The following ZNF615 variants were observed in gnomAD, a reference collection of about 807,000 sequenced individuals.
The protein encoded by ZNF615 is zinc finger protein 615.
A neutral mutation model predicts 15.3 loss-of-function variants in ZNF615; 15 were observed. The ratio of observed to expected loss-of-function variants is 0.98; its 90% CI spans 0.66 to 1.51. The LOEUF (loss-of-function observed/expected upper bound fraction) is 1.51. ZNF615 is among the 40% of genes most tolerant of loss of function. The pLI is 0.00. For synonymous variants in ZNF615, 268 were observed against 294.6 expected, an observed-to-expected ratio of 0.91 and a Z score of 0.92; for missense variants, 848 against 895.9, an observed-to-expected ratio of 0.95 and a Z score of 0.68.
intron 6 of ZNF615, among the ~76,000 whole-genome samples, chr19:51,999,617 T>C (rs558510636): frequency 2.0e-5 from 3 of 152,310 alleles, no homozygotes; most frequent in East Asian, 3.9e-4. Context: ...GATATGTGCA[T>C]TGTATCTCAA....
rs759395979 is a variant in ZNF615, at chr19:51,993,959, T to C, written c.1150A>G (p.Ile384Val). ...AAGCCTTTCCCACATTTATTGCATA[T>C]AAAGGGTTTCTCACCAGTATGAGTT... ...HRTHTGEKPF[I>V]CNKCGKGFTL... Residue 384 changes from isoleucine to valine, a missense_variant, in exon 7 of 7, where the codon ATA becomes GTA. Transcript: ENST00000598071. 1.9e-6 allele frequency: 3 copies of C among 1,613,840 alleles called. No homozygotes were observed. The highest frequency in any genetic ancestry group is 2.5e-6 in the Non-Finnish European group (3 of 1,179,914).
chr19:51,993,284 A>C lies in ZNF615; in HGVS notation c.1825T>G (p.Cys609Gly), dbSNP rs1231035899. ...RTHTGEKPYI[C>G]NECGKGFTMK... ...GTGAAGCCCTTTCCACATTCATTGC[A>C]TATATAAGGTTTCTCCCCAGTATGA... Residue 609 changes from cysteine (C) to glycine (G), a missense_variant, in exon 7 of 7, where the codon TGC (cysteine) becomes GGC (glycine). Physicochemically the swap from Cys to Gly is radical, Grantham distance 159. Transcript: ENST00000598071. 6.2e-7 allele frequency: 1 copy of C among 1,614,114 alleles called. No homozygotes were observed. The highest frequency in any genetic ancestry group is 8.5e-7 in the Non-Finnish European group (1 of 1,180,004).
rs189884056 is a variant in ZNF615, at chr19:52,007,080, C to T, written c.-190+213G>A. ...AACATTTCACTTCTATCCAAATGTA[C>T]GCATAAACTTAATGTGAATGCACTT... On this transcript the variant is annotated intron_variant, in intron 2 of 6. Coordinates refer to ENST00000598071, the MANE Select transcript of ZNF615 (RefSeq NM_001199324.2). Among the ~76,000 whole-genome samples, 75 of 152,166 alleles carry T rather than the reference C, an allele frequency of 4.9e-4. 2 individuals carry two copies. Among genetic ancestry groups the T allele is most frequent in the East Asian group, 1.9e-4 (1 of 5,180 alleles).
chr19:51,992,936 C>T lies in ZNF615; in HGVS notation c.2173G>A (p.Gly725Arg). 2 of 1,614,182 alleles carry T rather than the reference C, an allele frequency of 1.2e-6. No individual in the cohort carries two copies. Among genetic ancestry groups the T allele is most frequent in the Non-Finnish European group, 1.7e-6 (2 of 1,180,034 alleles). ...ATAGACAAGTGCGCAAAAGCTTTCC[C>T]ACAATCACTACATCCATAGGGCCTC... ...GERPYGCSDCGKAFAHLSILV... is the reference protein window; with the variant it reads ...GERPYGCSDCRKAFAHLSILV... Residue 725 changes from glycine (G) to arginine (R), a missense_variant, in exon 7 of 7, where the codon GGG becomes AGG. Physicochemically the swap from Gly to Arg is moderately radical, Grantham distance 125. Coordinates refer to ENST00000598071, the MANE Select transcript of ZNF615 (RefSeq NM_001199324.2).
chr19:51,993,135 T>C lies in ZNF615; in HGVS notation c.1974A>G (p.Thr658=). 1 of 1,614,250 alleles carries C rather than the reference T, an allele frequency of 6.2e-7. No homozygotes were observed. Among genetic ancestry groups the C allele is most frequent in the Non-Finnish European group, 8.5e-7 (1 of 1,180,036 alleles). The change falls in exon 7 of 7, where the codon ACA becomes ACG. Residue 658 remains threonine, a synonymous_variant. Coordinates refer to ENST00000598071, the MANE Select transcript of ZNF615 (RefSeq NM_001199324.2). ...TCLIQHQRFH[T]GKTSFACTEC... ...CAGTACATGCAAAGGAAGTCTTTCC[T>C]GTGTGAAATCGCTGATGTTGTATGA...
intron 6 of ZNF615, 120 bp from the exon 7 acceptor site, chr19:51,994,957 A>G: frequency 1.0e-6 from 1 of 982,420 alleles, no homozygotes; most frequent in Non-Finnish European, 1.4e-6. Flanking sequence ...TATTTTATTT[A>G]TTTATTTTTT....
intron 6 of ZNF615, among the ~76,000 whole-genome samples, chr19:51,998,618 C>T (rs2086507833): frequency 6.6e-6 from 1 of 152,174 alleles, no homozygotes; most frequent in Non-Finnish European, 1.5e-5. Context: ...CTTATTTGTA[C>T]TGCTGATAGC....
In ZNF615 at chr19:51,993,247, G is replaced by A. The variant is rs1181147889; in HGVS notation, c.1862C>T (p.Thr621Ile). 1 of 1,614,064 alleles carries A rather than the reference G, an allele frequency of 6.2e-7. No homozygotes were observed. The highest frequency in any genetic ancestry group is 8.5e-7 in the Non-Finnish European group (1 of 1,179,988). ...ATGAGTTTGCTGATGTATACTGAGA[G>A]TACTCTTCATGGTGAAGCCCTTTCC... ...ECGKGFTMKSTLSIHQQTHTG... is the reference protein window; with the variant it reads ...ECGKGFTMKSILSIHQQTHTG... The change falls in exon 7 of 7, where the codon ACT becomes ATT. Residue 621 changes from threonine to isoleucine, a missense_variant. Physicochemically the swap from Thr to Ile is moderately conservative, Grantham distance 89. Coordinates refer to ENST00000598071, the MANE Select transcript of ZNF615 (RefSeq NM_001199324.2).
intron 2 of ZNF615, among the ~76,000 whole-genome samples, chr19:52,005,498 T>C (rs2086728414): frequency 6.6e-6 from 1 of 152,184 alleles, no homozygotes; most frequent in East Asian, 1.9e-4. Flanking sequence ...CTGTTGTAGC[T>C]CAAAAATGCC....
At chr19:51,999,500 T>C (rs994200399) in intron 6 of ZNF615, among the ~76,000 whole-genome samples, 1 of 152,212 alleles carries the variant, frequency 6.6e-6, no homozygotes, top group African/African-American at 2.4e-5. Flanking sequence ...TGATAATATA[T>C]ATTTATACAT....
rs1159543618 is a variant in ZNF615 at position 51,994,141 on chromosome 19, C to T, written c.968G>A (p.Gly323Glu). 6.2e-7 allele frequency: 1 copy of T among 1,613,952 alleles called. No homozygotes were observed. The highest frequency in any genetic ancestry group is 8.5e-7 in the Non-Finnish European group (1 of 1,180,026). The change falls in exon 7 of 7, where the codon GGA (glycine) becomes GAA (glutamate). Residue 323 changes from glycine to glutamate, a missense_variant. Coordinates refer to ENST00000598071, the MANE Select transcript of ZNF615 (RefSeq NM_001199324.2). ...TACACTGCATCCATGGGGTTTCTCTCCTGTATGAGTTCGTTGATGATAAAT... is the reference window on the plus strand; with the variant it reads ...TACACTGCATCCATGGGGTTTCTCTTCTGTATGAGTTCGTTGATGATAAAT... ...RLIYHQRTHTGEKPHGCSVCG... is the reference protein window; with the variant it reads ...RLIYHQRTHTEEKPHGCSVCG...
At chr19:51,997,130 G>A (rs1226445562) in intron 6 of ZNF615, among the ~76,000 whole-genome samples, 1 of 152,048 alleles carries the variant, frequency 6.6e-6, no homozygotes, top group African/African-American at 2.4e-5. Context: ...ACCAGCCTGG[G>A]CAACATAGTG....
rs2086347656 is a variant in ZNF615, at chr19:51,994,209, T to A, written c.900A>T (p.Thr300=). Residue 300 remains threonine, a synonymous_variant, in exon 7 of 7, where the codon ACA becomes ACT. Coordinates refer to ENST00000598071, the MANE Select transcript of ZNF615 (RefSeq NM_001199324.2). ...TGAAGGCTTTCCCACATTGGCTACATGTGTAAGGTTTCCCTCCCATATGAG... is the reference window on the plus strand; with the variant it reads ...TGAAGGCTTTCCCACATTGGCTACAAGTGTAAGGTTTCCCTCCCATATGAG... ...QKTHMGGKPY[T]CSQCGKAFIK... is the part of the protein sequence containing the mutation. 6.2e-7 allele frequency: 1 copy of A among 1,614,078 alleles called. No homozygotes were observed. Among genetic ancestry groups the A allele is most frequent in the Non-Finnish European group, 8.5e-7 (1 of 1,180,024 alleles).
At chr19:51,998,851 C>T (rs2086514165) in intron 6 of ZNF615, among the ~76,000 whole-genome samples, 1 of 152,146 alleles carries the variant, frequency 6.6e-6, no homozygotes, top group Non-Finnish European at 1.5e-5. Context: ...AACGGGGTTT[C>T]ACCATGTTGG....
At chr19:51,996,402 A>AAAAAAAAAAAAAAAAAAC (rs1555771241) in intron 6 of ZNF615, among the ~76,000 whole-genome samples, 2 of 134,318 alleles carry the variant, frequency 1.5e-5, no homozygotes, top group African/African-American at 2.9e-5. Flanking sequence ...AAAAAAAAAA[A>AAAAAAAAAAAAAAAAAAC]AAAAAACGCA....
intron 2 of ZNF615, among the ~76,000 whole-genome samples, chr19:52,006,321 C>T (rs1417613381): frequency 1.3e-5 from 2 of 151,980 alleles, no homozygotes; most frequent in African/African-American, 4.8e-5. Context: ...TTACAAAAGA[C>T]AAAACCAAAA....
chr19:52,007,865 G>C, intron 1 of ZNF615: 1 of 428,738 alleles, frequency 2.3e-6, no homozygotes, highest in East Asian at 3.7e-5. Flanking sequence ...CTCAGTAGCG[G>C]ATCTCTAGAG....
At chr19:52,001,433 T>C (rs1047310890) in intron 5 of ZNF615, among the ~76,000 whole-genome samples, 4 of 151,668 alleles carry the variant, frequency 2.6e-5, no homozygotes, top group Admixed American at 6.6e-5. Context: ...TCCTGGCCAA[T>C]ATGGTGAAAC....
In ZNF615 at chr19:51,993,233, G is replaced by T; in HGVS notation, c.1876C>A (p.Gln626Lys). Reference sequence around the variant, plus strand: ...GGCTTCTCTCCAGTATGAGTTTGCTGATGTATACTGAGAGTACTCTTCATG... The same window carrying T: ...GGCTTCTCTCCAGTATGAGTTTGCTTATGTATACTGAGAGTACTCTTCATG... ...FTMKSTLSIH[Q>K]QTHTGEKPYK... Residue 626 changes from glutamine to lysine, a missense_variant, in exon 7 of 7, where the codon CAG (glutamine) becomes AAG (lysine). Transcript: ENST00000598071. 3 of 1,614,178 alleles carry T rather than the reference G, an allele frequency of 1.9e-6. No individual in the cohort carries two copies. The South Asian group carries it at 3.3e-5, about 18-fold the overall frequency.
Sources: gnomAD v4.1 joint callset for allele counts (sites outside exome capture counted in the v4.1 genomes callset) on GRCh38, gnomAD v4.1.1 for gene constraint, MANE v1.5 for transcripts, NCBI Gene and HGNC (gene_info 2026-07-23, HGNC 2026-07-21) for gene names.